GLCCI1: variants seen among roughly 807,000 people sequenced by gnomAD.
GLCCI1 encodes glucocorticoid induced 1, also known as glucocorticoid-induced transcript 1 protein.
In GLCCI1, 24 loss-of-function variants were observed where a neutral mutation model predicts 52.2. The observed-to-expected ratio is 0.46, with a 90% CI of 0.33 to 0.65. The LOEUF (loss-of-function observed/expected upper bound fraction) is 0.65, where lower values mean the gene tolerates loss of function less well. Among genes scored for constraint, GLCCI1 ranks in the 30% least tolerant of loss-of-function variants. GLCCI1 has a pLI of 0.02. For synonymous variants in GLCCI1, 310 were observed against 276.5 expected (o/e 1.12, Z -1.20); for missense variants, 704 against 701.5 (o/e 1.00, Z -0.04).
At chr7:8,062,183 T>C (rs1782534577) in intron 5 of GLCCI1, among the ~76,000 whole-genome samples, 1 of 152,186 alleles carries the variant, frequency 6.6e-6, no homozygotes. Context: ...TCAGAATCAT[T>C]CTGGGATAAC....
At position 7,969,934 on chromosome 7, in the gene GLCCI1, A is replaced by C; in HGVS notation, c.457+127A>C. ...CGAAGGTGTGAAAGTGGCTTTGGGA[A>C]TCTCACCCCCCTGCGGTCGCTGTGG... is the stretch of plus-strand genomic sequence containing the variant. On this transcript the variant is annotated intron_variant, in intron 1 of 7. Transcript: ENST00000223145. This position sits in a 1 kb window ranked among gnomAD's most constrained non-coding sequence, Gnocchi z 4.9. The C allele has an allele frequency of 9.0e-7, 1 of 1,109,512 alleles. No individual in the cohort carries two copies. The highest frequency in any genetic ancestry group is 1.1e-6 in the Non-Finnish European group (1 of 901,458). The allele number at this position is 1,109,512 out of a possible 1,614,324, so 68.7% of individuals were successfully genotyped here. A position where few individuals can be genotyped will look rare whatever the true frequency, so the allele number is the denominator to read the frequency against.
At chr7:8,063,382 G>A (rs1261650605) in intron 5 of GLCCI1, among the ~76,000 whole-genome samples, 6 of 151,894 alleles carry the variant, frequency 4.0e-5, no homozygotes, top group Non-Finnish European at 7.4e-5. Context: ...CTGAGCTCAG[G>A]CAATCCACCC....
rs558847649 is a variant in GLCCI1 at position 7,991,565 on chromosome 7, T to G, written c.458-12343T>G. On this transcript the variant is annotated intron_variant, in intron 1 of 7. Coordinates refer to ENST00000223145, the MANE Select transcript of GLCCI1 (RefSeq NM_138426.4). ...TTTTTCTTGGCCTTGAAAATAATTT[T>G]AGGGATGCTTTGTTCTTTACTGACA... 1.1e-3 allele frequency among the ~76,000 whole-genome samples: 170 copies of G among 152,140 alleles called. 1 individual carries two copies. Among genetic ancestry groups the G allele is most frequent in the African/African-American group, 3.8e-3 (159 of 41,556 alleles).
At chr7:8,075,208 T>A (rs944531522) in intron 6 of GLCCI1, among the ~76,000 whole-genome samples, 3 of 152,126 alleles carry the variant, frequency 2.0e-5, no homozygotes, top group African/African-American at 7.2e-5. Context: ...ACAAAAACAC[T>A]CTGTCAAGAA....
At chr7:8,016,563 T>C (rs6463753) in intron 2 of GLCCI1, among the ~76,000 whole-genome samples, 95,124 of 152,034 alleles carry the variant, frequency 0.63, 30,496 homozygotes, top group African/African-American at 0.77. Flanking sequence ...GTATGCCTCT[T>C]AAGGTATACT....
At chr7:7,989,120 C>G (rs1780790580) in intron 1 of GLCCI1, among the ~76,000 whole-genome samples, 1 of 152,090 alleles carries the variant, frequency 6.6e-6, no homozygotes, top group Admixed American at 6.6e-5. Flanking sequence ...TCAGAAAATA[C>G]ATATTGGGCT....
chr7:7,991,721 T>A (rs1780841465), intron 1 of GLCCI1, among the ~76,000 whole-genome samples: 1 of 152,112 alleles, frequency 6.6e-6, no homozygotes, highest in Non-Finnish European at 1.5e-5. Context: ...TACATGGCTC[T>A]TCTTCAACCC....
At chr7:8,002,724 C>T (rs1781073149) in intron 1 of GLCCI1, among the ~76,000 whole-genome samples, 1 of 152,158 alleles carries the variant, frequency 6.6e-6, no homozygotes, top group African/African-American at 2.4e-5. Flanking sequence ...AAAGAGTTAG[C>T]CTTGGGAACC....
intron 2 of GLCCI1, among the ~76,000 whole-genome samples, chr7:8,012,253 CT>C (rs1467400206): frequency 6.6e-6 from 1 of 151,818 alleles, no homozygotes; most frequent in Non-Finnish European, 1.5e-5. Flanking sequence ...ACTTCATCTG[CT>C]TTTTGGCCAT....
chr7:8,004,181 G>A, intron 2 of GLCCI1, 122 bp downstream of exon 2: 4 of 879,822 alleles, frequency 4.5e-6, no homozygotes, highest in African/African-American at 3.3e-5. Flanking sequence ...AAGGAAGAAA[G>A]GAAAAATCCA....
At chr7:7,971,975 C>T (rs925558898) in intron 1 of GLCCI1, among the ~76,000 whole-genome samples, 2 of 152,078 alleles carry the variant, frequency 1.3e-5, no homozygotes, top group Non-Finnish European at 2.9e-5. Context: ...GGCTTCTGTG[C>T]CCCCAGTTCC....
At chr7:7,994,819 T>A (rs763250416) in intron 1 of GLCCI1, among the ~76,000 whole-genome samples, 27 of 152,222 alleles carry the variant, frequency 1.8e-4, no homozygotes, top group Non-Finnish European at 3.2e-4. Context: ...CTTATTACTC[T>A]ATTTAATGGA....
At chr7:8,064,053 G>A (rs1014534755) in intron 5 of GLCCI1, among the ~76,000 whole-genome samples, 4 of 152,142 alleles carry the variant, frequency 2.6e-5, no homozygotes, top group Non-Finnish European at 5.9e-5. Context: ...TATGTAGGTT[G>A]TCTGTGTACT....
intron 2 of GLCCI1, among the ~76,000 whole-genome samples, chr7:8,015,045 GT>G (rs1220933395): frequency 8.6e-4 from 131 of 152,170 alleles, no homozygotes; most frequent in African/African-American, 3.0e-3. Flanking sequence ...AAATCTATTT[GT>G]TTTTATTTGT....
chr7:8,021,579 A>C (rs1781493979), intron 2 of GLCCI1, among the ~76,000 whole-genome samples: 1 of 152,050 alleles, frequency 6.6e-6, no homozygotes, highest in East Asian at 1.9e-4. Context: ...GGCCCAGCTA[A>C]TTTTTTAGAG....
intron 2 of GLCCI1, among the ~76,000 whole-genome samples, chr7:8,021,788 G>A (rs1200099738): frequency 6.6e-6 from 1 of 152,162 alleles, no homozygotes; most frequent in Non-Finnish European, 1.5e-5. Flanking sequence ...TGTTACATTT[G>A]AGGATAGTAT....
chr7:8,081,188 A>AC (rs1053794332), intron 6 of GLCCI1, among the ~76,000 whole-genome samples: 1 of 151,574 alleles, frequency 6.6e-6, no homozygotes, highest in African/African-American at 2.4e-5. Flanking sequence ...TGGGAGCTTT[A>AC]CCCCCCACCT....
At chr7:7,983,299 T>C (rs1341143943) in intron 1 of GLCCI1, among the ~76,000 whole-genome samples, 1 of 152,130 alleles carries the variant, frequency 6.6e-6, no homozygotes, top group Non-Finnish European at 1.5e-5. Context: ...ATAATTAATA[T>C]TTGTTTTGTT....
At chr7:8,026,268 A>G (rs1038732374) in intron 3 of GLCCI1, among the ~76,000 whole-genome samples, 9 of 152,228 alleles carry the variant, frequency 5.9e-5, no homozygotes, top group African/African-American at 2.2e-4. Context: ...CCAAAAATGT[A>G]AAAGAAAAAA....
Sources: allele counts gnomAD v4.1 joint callset (sites outside exome capture counted in the v4.1 genomes callset), GRCh38; gene constraint gnomAD v4.1.1; non-coding constraint Gnocchi (gnomAD v3.1); transcripts MANE v1.5; gene names NCBI Gene and HGNC (gene_info 2026-07-23, HGNC 2026-07-21).